The following FANCD2 variants were observed in gnomAD, a reference collection of about 807,000 sequenced individuals.
FANCD2 encodes the protein FA complementation group D2.
Under a neutral mutation model 192.3 loss-of-function variants are expected in FANCD2, and 131 were observed. That is an observed-to-expected ratio of 0.68 (90% CI 0.59 to 0.79). The LOEUF (loss-of-function observed/expected upper bound fraction) is 0.79, where lower values mean the gene tolerates loss of function less well. Among genes scored for constraint, FANCD2 ranks in the 30% least tolerant of loss-of-function variants. FANCD2 has a pLI of 0.00. For synonymous variants in FANCD2, 524 were observed against 612.5 expected (o/e 0.86, Z 2.13); for missense variants, 1,508 against 1,701.6 (o/e 0.89, Z 2.00).
rs2124985027 is a variant in FANCD2, at chr3:10,039,726, C to T, written c.576C>T (p.Leu192=). The change falls in exon 9 of 44, where the codon CTC becomes CTT. Residue 192 remains leucine, a synonymous_variant. Transcript: ENST00000675286. ...WLDRVVDGKD[L]TTKIMQLISI... is the part of the protein sequence containing the mutation. ...AATAGTGTCTTCTACTGCAGGACCT[C>T]ACCACCAAGATCATGCAGCTGATCA... 1 of 1,614,046 alleles carries T rather than the reference C, an allele frequency of 6.2e-7. No individual in the cohort carries two copies.
intron 18 of FANCD2, among the ~76,000 whole-genome samples, chr3:10,055,639 C>T (rs1175117345): frequency 2.6e-5 from 4 of 151,808 alleles, no homozygotes; most frequent in Non-Finnish European, 5.9e-5. Context: ...GGTGAAACCC[C>T]GTCTTTACTA....
intron 33 of FANCD2, among the ~76,000 whole-genome samples, chr3:10,086,382 C>T (rs1406845246): frequency 4.6e-5 from 7 of 152,164 alleles, no homozygotes; most frequent in Admixed American, 4.6e-4. Context: ...GCCCCCTCCC[C>T]CTTCAGTCAG....
intron 18 of FANCD2, among the ~76,000 whole-genome samples, 156 bp from the exon 19 acceptor site, chr3:10,060,138 G>A (rs2087523096): frequency 1.4e-5 from 2 of 147,726 alleles, no homozygotes; most frequent in African/African-American, 2.6e-5. Context: ...TTGCACTCTA[G>A]CCTAGGCAAC....
chr3:10,101,112 C>T, intron 43 of FANCD2, 76 bp from the exon 44 acceptor site: 1 of 1,102,392 alleles, frequency 9.1e-7, no homozygotes. Context: ...AGTTGTGTAT[C>T]CTCTAGGAGC....
chr3:10,089,175 C>T (rs572581348), intron 36 of FANCD2, among the ~76,000 whole-genome samples: 25 of 152,078 alleles, frequency 1.6e-4, no homozygotes, highest in Middle Eastern at 3.4e-3. Flanking sequence ...ATCCCAGCTA[C>T]TTAGGAGGCT....
intron 43 of FANCD2, among the ~76,000 whole-genome samples, 194 bp from the exon 44 acceptor site, chr3:10,100,994 G>A (rs559101209): frequency 2.0e-5 from 3 of 152,058 alleles, no homozygotes; most frequent in Admixed American, 6.5e-5. Flanking sequence ...GCTTGAACCC[G>A]GGAGGCAGAG....
chr3:10,094,504 T>C (rs34067373), intron 40 of FANCD2, 141 bp downstream of exon 40: 2 of 777,410 alleles, frequency 2.6e-6, no homozygotes, highest in African/African-American at 1.7e-5. Flanking sequence ...GATCCCCAAA[T>C]TGGACTGAAT....
chr3:10,062,194 G>T lies in FANCD2; in HGVS notation c.1810G>T (p.Asp604Tyr). 1 of 1,612,992 alleles carries T rather than the reference G, an allele frequency of 6.2e-7. No homozygotes were observed. Among genetic ancestry groups the T allele is most frequent in the Non-Finnish European group, 8.5e-7 (1 of 1,179,560 alleles). The change falls in exon 20 of 44, where the codon GAT becomes TAT. Residue 604 changes from aspartate (D) to tyrosine (Y), a missense_variant. This residue lies in a region of FANCD2 where 110 missense variants were observed against 114.4 expected (regional missense o/e 0.96). Coordinates refer to ENST00000675286, the MANE Select transcript of FANCD2 (RefSeq NM_001018115.3). ...GACCCAAGAGAGAGCCAACCTGAGC[G>T]ATGAGCAGTGCACACAGGTGAGTTC... is the stretch of plus-strand genomic sequence containing the variant. The part of the protein sequence containing the change: ...SLTQERANLS[D>Y]EQCTQVTSLL...
At position 10,033,384 on chromosome 3, in the gene FANCD2, A is replaced by G. The variant is rs568820965; in HGVS notation, c.205+412A>G. Reference sequence around the variant, plus strand: ...CCACTGCACTCCAGCCTGGGCGACAAGAGTGAGACTCCATTTCCAAAAAAC... The same window carrying G: ...CCACTGCACTCCAGCCTGGGCGACAGGAGTGAGACTCCATTTCCAAAAAAC... On this transcript the variant is annotated intron_variant, in intron 3 of 43. Transcript: ENST00000675286. Among the ~76,000 whole-genome samples, 7 of 152,244 alleles carry G rather than the reference A, an allele frequency of 4.6e-5. No individual in the cohort carries two copies. The South Asian group carries it at 1.5e-3, about 32-fold the overall frequency.
Position 10,094,344 on chromosome 3 carries a change from TCA to T in FANCD2, c.3945_3946del (p.Phe1315LeufsTer3). On this transcript the variant is annotated frameshift_variant, in exon 40 of 44. Transcript: ENST00000675286. LOFTEE classifies it high-confidence loss of function. ...AAGCAATGTATGCCGCTCCTAGACT[TCA>T]GTTTTAGAAAACACCGGGTAAGAGC... 1 of 1,613,954 alleles carries T rather than the reference TCA, an allele frequency of 6.2e-7. No homozygotes were observed. Among genetic ancestry groups the T allele is most frequent in the Non-Finnish European group, 8.5e-7 (1 of 1,179,844 alleles).
intron 33 of FANCD2, 149 bp downstream of exon 33, chr3:10,086,071 C>G: frequency 1.5e-6 from 1 of 673,136 alleles, no homozygotes; most frequent in Non-Finnish European, 2.8e-6. Context: ...GCTTTCTCAT[C>G]TATGTATTCT....
rs754413904 is a variant in FANCD2 at position 10,081,503 on chromosome 3, C to G, written c.3224+39C>G. On this transcript the variant is annotated intron_variant, in intron 32 of 43. Transcript: ENST00000675286. The stretch of plus-strand genomic sequence containing the variant: ...AAGTGTGGAGAGAACTGAGTATATA[C>G]TTGCTTTTATTTGACAGTCACCAAG... 3.6e-6 allele frequency: 5 copies of G among 1,380,682 alleles called. No individual in the cohort carries two copies. In the East Asian group the frequency reaches 1.1e-4, roughly 32 times the overall value. The allele number at this position is 1,380,682 out of a possible 1,614,324, so 85.5% of individuals were successfully genotyped here. A position where few individuals can be genotyped will look rare whatever the true frequency, so the allele number is the denominator to read the frequency against.
chr3:10,053,492 C>T (rs1292304828), intron 18 of FANCD2, among the ~76,000 whole-genome samples: 3 of 151,438 alleles, frequency 2.0e-5, no homozygotes, highest in Admixed American at 6.6e-5. Context: ...CTAACCTGCA[C>T]ATTGTGCACA....
chr3:10,087,274 CTAG>C lies in FANCD2; in HGVS notation c.3466+11_3466+13del, dbSNP rs1694266929. 6.5e-7 allele frequency: 1 copy of C among 1,532,682 alleles called. No individual in the cohort carries two copies. The highest frequency in any genetic ancestry group is 1.5e-5 in the African/African-American group (1 of 66,730). 94.9% of individuals were successfully genotyped at this position (1,532,682 alleles called of 1,614,324 possible). On this transcript the variant is annotated intron_variant, in intron 34 of 43. Coordinates refer to ENST00000675286, the MANE Select transcript of FANCD2 (RefSeq NM_001018115.3). ...AACAAAGAAAAAATTGGTGATGGGC[CTAG>C]ATCCTTTTTTTTTTTTTTTTTTTAA...
In FANCD2 at chr3:10,042,611, C is replaced by T. The variant is rs752880854; in HGVS notation, c.836C>T (p.Pro279Leu). 1.7e-5 allele frequency: 28 copies of T among 1,613,874 alleles called. No individual in the cohort carries two copies. Among genetic ancestry groups the T allele is most frequent in the Admixed American group, 3.3e-5 (2 of 59,990 alleles). The change falls in exon 11 of 44, where the codon CCT becomes CTT. Residue 279 changes from proline to leucine, a missense_variant. By Grantham distance (98) the Pro-to-Leu change is moderately conservative (BLOSUM62 -3). Coordinates refer to ENST00000675286, the MANE Select transcript of FANCD2 (RefSeq NM_001018115.3). Reference sequence around the variant, plus strand: ...TCGTCTATTAGATTGGAGGATTTACCTGTGATAATAAAGTTCATTCTTCAT... The same window carrying T: ...TCGTCTATTAGATTGGAGGATTTACTTGTGATAATAAAGTTCATTCTTCAT... ...KLSSIRLEDL[P>L]VIIKFILHSV...
At chr3:10,047,150 C>G (rs958180565) in intron 15 of FANCD2, among the ~76,000 whole-genome samples, 1 of 151,462 alleles carries the variant, frequency 6.6e-6, no homozygotes, top group African/African-American at 2.4e-5. Flanking sequence ...ACTGGATGGG[C>G]CAGTGGTTTG....
chr3:10,098,660 CCCT>C (rs1695122016), intron 42 of FANCD2, 57 bp from the exon 43 acceptor site: 1 of 1,591,490 alleles, frequency 6.3e-7, no homozygotes, highest in Non-Finnish European at 8.6e-7. Context: ...CAACCTTCTC[CCCT>C]ATTACCCTAA....
chr3:10,054,128 A>G (rs911155166), intron 18 of FANCD2, among the ~76,000 whole-genome samples: 3 of 151,614 alleles, frequency 2.0e-5, no homozygotes, highest in East Asian at 3.9e-4. Context: ...GGGAGGATCC[A>G]TTGAGCCCAG....
In FANCD2 at chr3:10,065,870, C is replaced by G. The variant is rs758628578; in HGVS notation, c.2276C>G (p.Pro759Arg). 8 of 1,602,066 alleles carry G rather than the reference C, an allele frequency of 5.0e-6. No individual in the cohort carries two copies. The highest frequency in any genetic ancestry group is 6.8e-6 in the Non-Finnish European group (8 of 1,169,250). The change falls in exon 25 of 44, where the codon CCT becomes CGT. Residue 759 changes from proline (P) to arginine (R), a missense_variant. Pro to Arg is a moderately radical substitution (Grantham distance 103). Coordinates refer to ENST00000675286, the MANE Select transcript of FANCD2 (RefSeq NM_001018115.3). ...LEEIDGLLDC[P>R]IFLTDLEPGE... ...AATGTTTGTTCTCTCTCAGATTGTC[C>G]TATATTCCTAACTGACCTGGAGCCT...
Sources: allele counts gnomAD v4.1 joint callset (sites outside exome capture counted in the v4.1 genomes callset), GRCh38; gene constraint gnomAD v4.1.1; regional missense constraint gnomAD v4.1.1; transcripts MANE v1.5; gene names NCBI Gene and HGNC (gene_info 2026-07-23, HGNC 2026-07-21).